The following CAMKMT variants were observed in gnomAD, a reference collection of about 807,000 sequenced individuals.
CAMKMT encodes calmodulin-lysine N-methyltransferase.
A neutral mutation model predicts 48.0 loss-of-function variants in CAMKMT; 53 were observed. The observed-to-expected ratio is 1.10, with a 90% CI of 0.89 to 1.39. CAMKMT has a LOEUF of 1.39. Ranked by LOEUF, CAMKMT falls within the 40% of genes most tolerant of loss-of-function variation. CAMKMT has a pLI of 0.00. For synonymous variants in CAMKMT, 165 were observed against 152.3 expected (o/e 1.08, Z -0.61); for missense variants, 428 against 402.7 (o/e 1.06, Z -0.54).
chr2:44,632,424 G>C (rs532746371), intron 3 of CAMKMT, among the ~76,000 whole-genome samples: 1 of 151,832 alleles, frequency 6.6e-6, no homozygotes, highest in East Asian at 1.9e-4. Flanking sequence ...AAATTTCATC[G>C]TATGTATTTG....
At chr2:44,421,023 C>T (rs570239674) in intron 3 of CAMKMT, among the ~76,000 whole-genome samples, 2 of 151,872 alleles carry the variant, frequency 1.3e-5, no homozygotes, top group African/African-American at 4.8e-5. Context: ...CTATATATTT[C>T]CTTTGAATAT....
chr2:44,606,112 A>G (rs1671265626), intron 3 of CAMKMT, among the ~76,000 whole-genome samples: 2 of 152,154 alleles, frequency 1.3e-5, no homozygotes, highest in Admixed American at 1.3e-4. Flanking sequence ...GTTTGTGGCT[A>G]TGTTTTCAAG....
intron 8 of CAMKMT, among the ~76,000 whole-genome samples, chr2:44,751,351 G>A (rs1353894233): frequency 2.0e-5 from 3 of 152,198 alleles, no homozygotes; most frequent in Non-Finnish European, 1.5e-5. Context: ...CACAGACTCT[G>A]AAGCCAATAT....
At chr2:44,498,917 G>A (rs562589596) in intron 3 of CAMKMT, among the ~76,000 whole-genome samples, 1 of 152,216 alleles carries the variant, frequency 6.6e-6, no homozygotes, top group Non-Finnish European at 1.5e-5. Flanking sequence ...GTAATGGCGG[G>A]GGTTGGGGGA....
At chr2:44,472,717 T>C (rs1229797061) in intron 3 of CAMKMT, among the ~76,000 whole-genome samples, 2 of 152,196 alleles carry the variant, frequency 1.3e-5, no homozygotes, top group African/African-American at 4.8e-5. Flanking sequence ...TCCTAAATTA[T>C]GCATCCCAGA....
At chr2:44,544,807 A>G (rs561250887) in intron 3 of CAMKMT, among the ~76,000 whole-genome samples, 2 of 152,344 alleles carry the variant, frequency 1.3e-5, no homozygotes, top group African/African-American at 4.8e-5. Context: ...TTTTCTTATC[A>G]GAGGAAAATT....
At chr2:44,443,152 G>GA (rs779217766) in intron 3 of CAMKMT, among the ~76,000 whole-genome samples, 6 of 152,088 alleles carry the variant, frequency 3.9e-5, no homozygotes, top group African/African-American at 7.2e-5. Flanking sequence ...TCTAAAGTGT[G>GA]AAAAAATGTT....
chr2:44,577,721 G>A (rs1179408812), intron 3 of CAMKMT, among the ~76,000 whole-genome samples: 1 of 151,680 alleles, frequency 6.6e-6, no homozygotes, highest in Non-Finnish European at 1.5e-5. Context: ...GAGATGGAGA[G>A]GGAGAATATT....
At chr2:44,689,599 T>C (rs1281321192) in intron 3 of CAMKMT, among the ~76,000 whole-genome samples, 1 of 152,156 alleles carries the variant, frequency 6.6e-6, no homozygotes, top group Non-Finnish European at 1.5e-5. Flanking sequence ...CTCTTTTTTG[T>C]TTTTCCACTG....
At chr2:44,391,729 A>G (rs980305279) in intron 3 of CAMKMT, among the ~76,000 whole-genome samples, 1 of 152,196 alleles carries the variant, frequency 6.6e-6, no homozygotes, top group African/African-American at 2.4e-5. Flanking sequence ...AATTTCCTAA[A>G]GGCATCAATT....
intron 3 of CAMKMT, among the ~76,000 whole-genome samples, chr2:44,441,987 G>C (rs1666694654): frequency 6.6e-6 from 1 of 152,158 alleles, no homozygotes; most frequent in African/African-American, 2.4e-5. Flanking sequence ...GAGCAAAAGA[G>C]GCTGCCCGAT....
intron 3 of CAMKMT, among the ~76,000 whole-genome samples, chr2:44,543,870 A>T (rs1039251992): frequency 1.4e-4 from 22 of 152,248 alleles, no homozygotes; most frequent in Non-Finnish European, 2.9e-4. Context: ...TTGTCTGTTG[A>T]CAGATGTATT....
chr2:44,722,764 A>T (rs1678540385), intron 7 of CAMKMT, among the ~76,000 whole-genome samples: 1 of 152,208 alleles, frequency 6.6e-6, no homozygotes, highest in Admixed American at 6.5e-5. Flanking sequence ...TAGTCCATTC[A>T]TTCTAATATT....
In CAMKMT at chr2:44,411,725, G is replaced by C. The variant is rs186675190; in HGVS notation, c.376+21420G>C. Among the ~76,000 whole-genome samples the C allele has an allele frequency of 7.4e-5, 11 of 149,194 alleles. No homozygotes were observed. In the East Asian group the frequency reaches 2.1e-3, roughly 29 times the overall value. Reference sequence around the variant, plus strand: ...ATCCTTTCCCCAAGTTTTGTCTCAAGTATTTTTGTAAAATTCCATTCATCA... The same window carrying C: ...ATCCTTTCCCCAAGTTTTGTCTCAACTATTTTTGTAAAATTCCATTCATCA... On this transcript the variant is annotated intron_variant, in intron 3 of 10. Transcript: ENST00000378494.
At chr2:44,558,652 G>A (rs1668153562) in intron 3 of CAMKMT, among the ~76,000 whole-genome samples, 1 of 152,080 alleles carries the variant, frequency 6.6e-6, no homozygotes, top group African/African-American at 2.4e-5. Flanking sequence ...GCAGTGGGAG[G>A]CCATTATCCT....
Position 44,479,545 on chromosome 2 carries a change from A to G in CAMKMT, c.376+89240A>G, listed in dbSNP as rs151278865. On this transcript the variant is annotated intron_variant, in intron 3 of 10. Transcript: ENST00000378494. ...AGTGAGGCCACCTGCTGTTAAGAAA[A>G]GTGCCTACACATTCATCACATTTCT... Among the ~76,000 whole-genome samples the G allele has an allele frequency of 3.4e-3, 512 of 152,312 alleles. 5 individuals are homozygous for G. Among genetic ancestry groups the G allele is most frequent in the African/African-American group, 0.012 (491 of 41,572 alleles).
chr2:44,576,224 A>C (rs927073051), intron 3 of CAMKMT, among the ~76,000 whole-genome samples: 3 of 150,332 alleles, frequency 2.0e-5, no homozygotes, highest in Admixed American at 6.6e-5. Context: ...GCTACTCAGG[A>C]GGCTGAGGCA....
intron 3 of CAMKMT, among the ~76,000 whole-genome samples, chr2:44,621,133 TG>T (rs1672163407): frequency 6.6e-6 from 1 of 151,936 alleles, no homozygotes; most frequent in Non-Finnish European, 1.5e-5. Context: ...CTGGGCGTGG[TG>T]ATGGGCGCTT....
chr2:44,363,736 C>G (rs1490109318), intron 1 of CAMKMT, among the ~76,000 whole-genome samples: 1 of 145,482 alleles, frequency 6.9e-6, no homozygotes, highest in Non-Finnish European at 1.5e-5. Flanking sequence ...GTTGCCCAGA[C>G]GTGAGTGCAA....
Sources: gnomAD v4.1 joint callset for allele counts (sites outside exome capture counted in the v4.1 genomes callset) on GRCh38, gnomAD v4.1.1 for gene constraint, MANE v1.5 for transcripts, NCBI Gene and HGNC (gene_info 2026-07-23, HGNC 2026-07-21) for gene names.